The following KDM4B variants were observed in gnomAD, a reference collection of about 807,000 sequenced individuals.
KDM4B encodes lysine-specific demethylase 4B.
In KDM4B, 32 loss-of-function variants were observed where a neutral mutation model predicts 125.2. The observed-to-expected ratio is 0.26, with a 90% confidence interval of 0.19 to 0.34. The LOEUF (loss-of-function observed/expected upper bound fraction) is 0.34, where lower values mean the gene tolerates loss of function less well. Ranked by LOEUF, KDM4B falls within the 10% of genes least tolerant of loss-of-function variation. KDM4B has a pLI of 1.00. For missense variants in KDM4B, 1,190 were observed against 1,577.7 expected (o/e 0.75, Z 4.16); for synonymous variants, 721 against 677.9 (o/e 1.06, Z -0.99).
chr19:5,132,825 A>T (rs1351180976), intron 13 of KDM4B, among the ~76,000 whole-genome samples: 3 of 152,138 alleles, frequency 2.0e-5, no homozygotes, highest in Non-Finnish European at 4.4e-5. Flanking sequence ...TGAGTGACAG[A>T]CGCAGCCAGT....
chr19:5,080,322 T>C (rs1056676870), intron 8 of KDM4B, among the ~76,000 whole-genome samples: 1 of 152,196 alleles, frequency 6.6e-6, no homozygotes, highest in Non-Finnish European at 1.5e-5. Flanking sequence ...CAATCTCTGC[T>C]CATCTTTCTG....
chr19:5,125,220 C>G (rs1374684188), intron 11 of KDM4B, among the ~76,000 whole-genome samples: 1 of 152,178 alleles, frequency 6.6e-6, no homozygotes, highest in Non-Finnish European at 1.5e-5. Context: ...CTGTTATTTA[C>G]TAATCTTCCC....
chr19:5,107,452 G>A (rs989944028), intron 9 of KDM4B, among the ~76,000 whole-genome samples: 5 of 152,168 alleles, frequency 3.3e-5, no homozygotes, highest in South Asian at 2.1e-4. Flanking sequence ...ACAGACACCC[G>A]TGTCCCAGAG....
chr19:5,057,073 C>T (rs918913047), intron 6 of KDM4B, among the ~76,000 whole-genome samples: 26 of 143,510 alleles, frequency 1.8e-4, no homozygotes, highest in Admixed American at 9.4e-4. Flanking sequence ...TGTGCGCGCG[C>T]GCGCGTATGT....
chr19:5,102,028 G>A (rs2038946232), intron 9 of KDM4B, among the ~76,000 whole-genome samples: 1 of 152,190 alleles, frequency 6.6e-6, no homozygotes, highest in African/African-American at 2.4e-5. Context: ...GGGGTCGGGT[G>A]CTGCGGCAGT....
In KDM4B at chr19:5,134,001, A is replaced by G. The variant is rs754909061; in HGVS notation, c.2025A>G (p.Ala675=). ...ASFQAERKFN[A]AAARTEPYCA... ...TCCAGGCCGAGAGGAAGTTCAACGCAGCGGCTGCGCGCACGGAGCCCTACT... is the reference window on the plus strand; with the variant it reads ...TCCAGGCCGAGAGGAAGTTCAACGCGGCGGCTGCGCGCACGGAGCCCTACT... The change falls in exon 14 of 23, where the codon GCA becomes GCG. Residue 675 remains alanine, a synonymous_variant. Transcript: ENST00000159111. The G allele has an allele frequency of 1.9e-6, 3 of 1,611,786 alleles. No individual in the cohort carries two copies. Among genetic ancestry groups the G allele is most frequent in the South Asian group, 2.2e-5 (2 of 91,076 alleles).
chr19:5,117,653 C>T (rs938803803), intron 10 of KDM4B, among the ~76,000 whole-genome samples: 1 of 152,206 alleles, frequency 6.6e-6, no homozygotes. Flanking sequence ...CCAGAGCCGT[C>T]CTTGGGCTGC....
At chr19:5,037,537 A>G (rs2036668500) in intron 3 of KDM4B, among the ~76,000 whole-genome samples, 1 of 152,158 alleles carries the variant, frequency 6.6e-6, no homozygotes, top group Non-Finnish European at 1.5e-5. Context: ...CTGTGGCCAT[A>G]GTGGACATGG....
At chr19:5,090,407 T>TCTCCC (rs1555711574) in intron 9 of KDM4B, among the ~76,000 whole-genome samples, 1 of 30,524 alleles carries the variant, frequency 3.3e-5, no homozygotes, top group African/African-American at 1.9e-4. Context: ...TCTCTCTCTC[T>TCTCCC]CCCCCTCTCC....
intron 14 of KDM4B, 39 bp from the exon 15 acceptor site, chr19:5,135,300 A>G (rs1280950944): frequency 1.4e-6 from 2 of 1,466,626 alleles, no homozygotes; most frequent in Non-Finnish European, 1.9e-6. Context: ...CCTGCCCCAC[A>G]CATGGCTCTG....
At chr19:5,150,944 C>T (rs1330943389) in intron 22 of KDM4B, among the ~76,000 whole-genome samples, 2 of 152,238 alleles carry the variant, frequency 1.3e-5, no homozygotes, top group Admixed American at 1.3e-4. Context: ...CTCCCCCAGC[C>T]CTCATGGGCT....
intron 1 of KDM4B, among the ~76,000 whole-genome samples, chr19:4,996,358 C>T (rs2035200503): frequency 6.6e-6 from 1 of 152,066 alleles, no homozygotes; most frequent in Non-Finnish European, 1.5e-5. Flanking sequence ...TGGGGTTGCT[C>T]AGAGTGTGTG....
Position 5,144,139 on chromosome 19 carries a change from CG to C in KDM4B, c.2729del (p.Gly910ValfsTer7). 2 of 1,596,276 alleles carry C rather than the reference CG, an allele frequency of 1.3e-6. No homozygotes were observed. Among genetic ancestry groups the C allele is most frequent in the Non-Finnish European group, 8.6e-7 (1 of 1,166,824 alleles). On this transcript the variant is annotated frameshift_variant, in exon 19 of 23. Transcript: ENST00000159111. LOFTEE classifies it high-confidence loss of function. ...VVSITCLKHK[S>X]GGHAVQLLRA... ...TCCATCACCTGCCTCAAGCACAAGT[CG>C]GGGGGTCACGCTGTGAGTGCCTGCC...
chr19:5,002,432 T>C (rs931815596), intron 1 of KDM4B, among the ~76,000 whole-genome samples: 3 of 136,060 alleles, frequency 2.2e-5, no homozygotes, highest in Admixed American at 7.3e-5. Flanking sequence ...CCTTTCTCTC[T>C]ACTTTCTCTC....
At chr19:5,092,935 C>T (rs1003919833) in intron 9 of KDM4B, among the ~76,000 whole-genome samples, 4 of 152,178 alleles carry the variant, frequency 2.6e-5, no homozygotes, top group Non-Finnish European at 4.4e-5. Context: ...GAGGCCGGGC[C>T]CCTGTACCCC....
intron 6 of KDM4B, among the ~76,000 whole-genome samples, chr19:5,057,065 T>TGTGTGTGTGCGC (rs55806859): frequency 2.5e-3 from 318 of 128,368 alleles, no homozygotes; most frequent in African/African-American, 9.3e-3. Context: ...TGTGTGTGTG[T>TGTGTGTGTGCGC]GCGCGCGCGC....
intron 1 of KDM4B, among the ~76,000 whole-genome samples, chr19:4,977,283 G>A (rs991304977): frequency 6.6e-6 from 1 of 152,214 alleles, no homozygotes; most frequent in Non-Finnish European, 1.5e-5. Flanking sequence ...CAAAGGCTGA[G>A]AATCCCGAGG....
intron 2 of KDM4B, among the ~76,000 whole-genome samples, chr19:5,031,099 C>G (rs2036439084): frequency 6.6e-6 from 1 of 152,192 alleles, no homozygotes; most frequent in African/African-American, 2.4e-5. Context: ...TCCCTGGGGA[C>G]AGTGCGCAGG....
At chr19:5,087,715 C>T (rs2038551660) in intron 9 of KDM4B, among the ~76,000 whole-genome samples, 1 of 152,166 alleles carries the variant, frequency 6.6e-6, no homozygotes, top group African/African-American at 2.4e-5. Context: ...CCACTTTTTC[C>T]CAACTTAAGG....
Sources: allele counts gnomAD v4.1 joint callset (sites outside exome capture counted in the v4.1 genomes callset), GRCh38; gene constraint gnomAD v4.1.1; transcripts MANE v1.5; gene names NCBI Gene and HGNC (gene_info 2026-07-23, HGNC 2026-07-21).